AGO1: variants seen among roughly 807,000 people sequenced by gnomAD.
AGO1 encodes protein argonaute-1.
A neutral mutation model predicts 109.2 loss-of-function variants in AGO1; 11 were observed. The ratio of observed to expected loss-of-function variants is 0.10; its 90% CI spans 0.06 to 0.17. The LOEUF (loss-of-function observed/expected upper bound fraction) is 0.17, where lower values mean the gene tolerates loss of function less well. Ranked by LOEUF, AGO1 falls within the 10% of genes least tolerant of loss-of-function variation. AGO1 has a pLI of 1.00. For synonymous variants in AGO1, 422 were observed against 418.6 expected, an observed-to-expected ratio of 1.01 and a Z score of -0.10; for missense variants, 574 against 1,140.3, an observed-to-expected ratio of 0.50 and a Z score of 7.15.
At chr1:35,871,136 G>C (rs1312326118) in intron 1 of AGO1, among the ~76,000 whole-genome samples, 3 of 152,146 alleles carry the variant, frequency 2.0e-5, no homozygotes, top group African/African-American at 7.2e-5. Flanking sequence ...ACCAAAGAGT[G>C]TTGGTTGTAC....
chr1:35,901,218 G>A lies in AGO1; in HGVS notation c.1021-256G>A, dbSNP rs1400037120. Among the ~76,000 whole-genome samples, 5 of 152,008 alleles carry A rather than the reference G, an allele frequency of 3.3e-5. No homozygotes were observed. Among genetic ancestry groups the A allele is most frequent in the African/African-American group, 7.2e-5 (3 of 41,410 alleles). On this transcript the variant is annotated intron_variant, in intron 8 of 18. Coordinates refer to ENST00000373204, the MANE Select transcript of AGO1 (RefSeq NM_012199.5). The surrounding 1 kb of genome is among the most constrained non-coding windows in gnomAD (Gnocchi z 4.8). ...ACTCCTGACCTCAAGTGATCTGGCC[G>A]CCTTGGCCTCCTAAGGTGCTGGGAT...
rs1645838456 is a variant in AGO1 at position 35,921,809 on chromosome 1, C to T, written c.*2202C>T. ...GCTACAGCATGGGGTGCCCTATAGG[C>T]ACAAGCCCAGCTGAAGAACAGAATG... On this transcript the variant is annotated 3_prime_UTR_variant, in exon 19 of 19. Transcript: ENST00000373204. 1 of 152,676 alleles carries T rather than the reference C, an allele frequency of 6.5e-6. No homozygotes were observed. Among genetic ancestry groups the T allele is most frequent in the South Asian group, 2.1e-4 (1 of 4,832 alleles). 9.5% of individuals were successfully genotyped at this position (152,676 alleles called of 1,614,324 possible).
intron 8 of AGO1, among the ~76,000 whole-genome samples, chr1:35,899,978 A>G (rs537184301): frequency 4.6e-5 from 7 of 152,338 alleles, no homozygotes; most frequent in South Asian, 2.1e-4. Context: ...GGCTCTCTCA[A>G]TTCTAGAAGC....
intron 15 of AGO1, 69 bp from the exon 16 acceptor site, chr1:35,917,524 C>A: frequency 6.5e-7 from 1 of 1,542,566 alleles, no homozygotes; most frequent in Non-Finnish European, 8.8e-7. Flanking sequence ...CTCCTTAGTT[C>A]AGAAGGGTAT....
chr1:35,909,103 C>A (rs1416363658), intron 12 of AGO1, among the ~76,000 whole-genome samples: 1 of 152,174 alleles, frequency 6.6e-6, no homozygotes, highest in Non-Finnish European at 1.5e-5. Context: ...CAGGCATGAG[C>A]CACTGTGCCC....
chr1:35,871,840 T>C (rs938229733), intron 1 of AGO1, among the ~76,000 whole-genome samples: 2 of 151,756 alleles, frequency 1.3e-5, no homozygotes, highest in African/African-American at 4.8e-5. Context: ...GAGGCTGAGG[T>C]GGGTGGATCA....
chr1:35,906,290 C>G (rs921371474), intron 11 of AGO1, among the ~76,000 whole-genome samples: 3 of 152,194 alleles, frequency 2.0e-5, no homozygotes, highest in Non-Finnish European at 4.4e-5. Context: ...AGCAGAAAGG[C>G]CTTACACGTG....
At chr1:35,890,362 T>C (rs1257839209) in intron 2 of AGO1, among the ~76,000 whole-genome samples, 2 of 152,234 alleles carry the variant, frequency 1.3e-5, no homozygotes, top group Non-Finnish European at 2.9e-5. Context: ...GATACTTTTC[T>C]ACATATATAC....
intron 15 of AGO1, among the ~76,000 whole-genome samples, chr1:35,916,548 A>G (rs912081281): frequency 5.3e-5 from 8 of 152,028 alleles, no homozygotes; most frequent in Non-Finnish European, 1.0e-4. Context: ...TTGTATTTTT[A>G]GTAGAGATGG....
In AGO1 at chr1:35,927,906, C is replaced by T. The variant is rs940262733; in HGVS notation, c.*8299C>T. Reference sequence around the variant, plus strand: ...GAGTATAAAGTAACTTACTTTCTACCTTGTAGAAACTGATGGTCTAGGAGA... The same window carrying T: ...GAGTATAAAGTAACTTACTTTCTACTTTGTAGAAACTGATGGTCTAGGAGA... On this transcript the variant is annotated 3_prime_UTR_variant, in exon 19 of 19. Coordinates refer to ENST00000373204, the MANE Select transcript of AGO1 (RefSeq NM_012199.5). 6.6e-6 allele frequency: 1 copy of T among 152,128 alleles called. No homozygotes were observed. Among genetic ancestry groups the T allele is most frequent in the African/African-American group, 2.4e-5 (1 of 41,416 alleles). The allele number at this position is 152,128 out of a possible 1,614,324, so 9.4% of individuals were successfully genotyped here. A position where few individuals can be genotyped will look rare whatever the true frequency, so the allele number is the denominator to read the frequency against.
intron 11 of AGO1, among the ~76,000 whole-genome samples, chr1:35,906,423 G>C (rs370305274): frequency 6.6e-6 from 1 of 152,140 alleles, no homozygotes; most frequent in East Asian, 1.9e-4. Flanking sequence ...CTCCTTGCTT[G>C]TACCATCGAA....
At chr1:35,891,237 A>G (rs1645212558) in intron 2 of AGO1, among the ~76,000 whole-genome samples, 1 of 152,238 alleles carries the variant, frequency 6.6e-6, no homozygotes. Context: ...GTTATCCAGT[A>G]GTAGTCAAGA....
intron 2 of AGO1, among the ~76,000 whole-genome samples, chr1:35,890,627 AT>A (rs1453136118): frequency 2.6e-5 from 4 of 152,238 alleles, no homozygotes; most frequent in Non-Finnish European, 4.4e-5. Flanking sequence ...ATATAGATTC[AT>A]TTTTGCACTC....
At chr1:35,907,759 G>C (rs1645550602) in intron 12 of AGO1, among the ~76,000 whole-genome samples, 1 of 151,932 alleles carries the variant, frequency 6.6e-6, no homozygotes, top group Non-Finnish European at 1.5e-5. Flanking sequence ...AATATATTCA[G>C]ATCCCCCATC....
rs777135778 is a variant in AGO1 at position 35,920,396 on chromosome 1, G to T, written c.*789G>T. 4 of 152,474 alleles carry T rather than the reference G, an allele frequency of 2.6e-5. No individual in the cohort carries two copies. The highest frequency in any genetic ancestry group is 5.9e-5 in the Non-Finnish European group (4 of 68,042). 9.4% of individuals were successfully genotyped at this position (152,474 alleles called of 1,614,324 possible). ...GGGTAACCAGTGCCTTCCCTGTAAC[G>T]GTAATGCTGCAGAACTGCAACCTTT... On this transcript the variant is annotated 3_prime_UTR_variant, in exon 19 of 19. Transcript: ENST00000373204.
chr1:35,870,124 G>A (rs1644935595), intron 1 of AGO1, among the ~76,000 whole-genome samples: 1 of 151,772 alleles, frequency 6.6e-6, no homozygotes, highest in Admixed American at 6.6e-5. Context: ...TCACCCAAGC[G>A]TTCCTGCCCT....
intron 2 of AGO1, among the ~76,000 whole-genome samples, chr1:35,890,194 T>C (rs1177912230): frequency 6.7e-6 from 1 of 148,568 alleles, no homozygotes; most frequent in Non-Finnish European, 1.5e-5. Flanking sequence ...GGCTAATTTT[T>C]GTATTTTTAG....
chr1:35,912,600 T>C (rs1645657405), intron 12 of AGO1, among the ~76,000 whole-genome samples: 1 of 151,918 alleles, frequency 6.6e-6, no homozygotes, highest in African/African-American at 2.4e-5. Context: ...TGAGACGGAG[T>C]CTTGCTCTGT....
intron 1 of AGO1, among the ~76,000 whole-genome samples, chr1:35,886,403 T>TG (rs1473755169): frequency 6.6e-6 from 1 of 152,054 alleles, no homozygotes; most frequent in African/African-American, 2.4e-5. Context: ...GGAGATGAAG[T>TG]GGGGGTGTGG....
Sources: allele counts gnomAD v4.1 joint callset (sites outside exome capture counted in the v4.1 genomes callset), GRCh38; gene constraint gnomAD v4.1.1; non-coding constraint Gnocchi (gnomAD v3.1); transcripts MANE v1.5; gene names NCBI Gene and HGNC (gene_info 2026-07-23, HGNC 2026-07-21).